UBE2D2: variants seen among roughly 807,000 people sequenced by gnomAD.
The protein encoded by UBE2D2 is ubiquitin-conjugating enzyme E2 D2.
In UBE2D2, 2 loss-of-function variants were observed where a neutral mutation model predicts 24.2. The observed-to-expected ratio is 0.08, with a 90% CI of 0.03 to 0.26. The LOEUF (loss-of-function observed/expected upper bound fraction) is 0.26. Among genes scored for constraint, UBE2D2 ranks in the 10% least tolerant of loss-of-function variants. UBE2D2 has a pLI of 1.00. For synonymous variants in UBE2D2, 58 were observed against 56.5 expected (o/e 1.03, Z -0.12); for missense variants, 44 against 177.6 (o/e 0.25, Z 4.28).
chr5:139,567,897 A>G (rs902978779), intron 1 of UBE2D2, among the ~76,000 whole-genome samples: 1 of 152,182 alleles, frequency 6.6e-6, no homozygotes, highest in Non-Finnish European at 1.5e-5. Flanking sequence ...ATCCCGTAGA[A>G]GTTTATGTAT....
chr5:139,600,464 A>G lies in UBE2D2; in HGVS notation c.88+29A>G, dbSNP rs376987511. 17 of 1,608,708 alleles carry G rather than the reference A, an allele frequency of 1.1e-5. No individual in the cohort carries two copies. In the African/African-American group the frequency reaches 2.0e-4, roughly 19 times the overall value. ...AGTATTTAAAAGGAATAATGGAGTA[A>G]TAGCATAACAGTGGTTATTTTGTGT... On this transcript the variant is annotated intron_variant, in intron 2 of 6. Coordinates refer to ENST00000398733, the MANE Select transcript of UBE2D2 (RefSeq NM_003339.3).
rs915504574 is a variant in UBE2D2, at chr5:139,627,766, C to G, written c.*965C>G. 3.3e-5 allele frequency: 5 copies of G among 152,594 alleles called. No individual in the cohort carries two copies. Among genetic ancestry groups the G allele is most frequent in the Admixed American group, 3.3e-4 (5 of 15,264 alleles). 9.5% of individuals were successfully genotyped at this position (152,594 alleles called of 1,614,324 possible). On this transcript the variant is annotated 3_prime_UTR_variant, in exon 7 of 7. Coordinates refer to ENST00000398733, the MANE Select transcript of UBE2D2 (RefSeq NM_003339.3). Reference sequence around the variant, plus strand: ...ATTAGTGGTGGATTTTCTCCCACTTCTGAAATGTTCATTTATACTGGTTGC... The same window carrying G: ...ATTAGTGGTGGATTTTCTCCCACTTGTGAAATGTTCATTTATACTGGTTGC...
intron 1 of UBE2D2, among the ~76,000 whole-genome samples, chr5:139,541,599 CAAAAAAAAA>C (rs892398676): frequency 1.0e-4 from 6 of 58,458 alleles, no homozygotes; most frequent in African/African-American, 4.2e-4. Flanking sequence ...GACTCCATTT[CAAAAAAAAA>C]AAAAAAAAAA....
At chr5:139,575,161 C>T (rs945812029) in intron 1 of UBE2D2, among the ~76,000 whole-genome samples, 2 of 152,154 alleles carry the variant, frequency 1.3e-5, no homozygotes, top group Non-Finnish European at 2.9e-5. Flanking sequence ...GACTAAATAA[C>T]TTCTGAAGTA....
Position 139,572,776 on chromosome 5 carries a change from A to G in UBE2D2, c.24+10961A>G, listed in dbSNP as rs149061360. 2.1e-3 allele frequency among the ~76,000 whole-genome samples: 323 copies of G among 151,622 alleles called. 2 individuals carry two copies. The highest frequency in any genetic ancestry group is 7.4e-3 in the African/African-American group (305 of 41,364). On this transcript the variant is annotated intron_variant, in intron 1 of 6. Transcript: ENST00000398733. ...TTCTCCTGCCTCAGCCTCCCAAGAA[A>G]AGAAGCTGGGATTACAGGCATGCAC...
intron 1 of UBE2D2, among the ~76,000 whole-genome samples, chr5:139,533,377 G>A (rs938293566): frequency 3.9e-5 from 6 of 152,074 alleles, no homozygotes; most frequent in South Asian, 2.1e-4. Flanking sequence ...GGGGCCGGGC[G>A]TGGTGGCTCA....
chr5:139,603,343 G>T (rs1754120831), intron 2 of UBE2D2, among the ~76,000 whole-genome samples: 1 of 152,116 alleles, frequency 6.6e-6, no homozygotes, highest in Non-Finnish European at 1.5e-5. Flanking sequence ...TCCCTTTGGA[G>T]AGTTAAATAA....
chr5:139,582,154 A>T (rs1019093619), intron 1 of UBE2D2, among the ~76,000 whole-genome samples: 9 of 151,856 alleles, frequency 5.9e-5, no homozygotes, highest in Admixed American at 1.3e-4. Context: ...CCGCCCAGCT[A>T]ATTTTGTAGA....
intron 1 of UBE2D2, among the ~76,000 whole-genome samples, chr5:139,597,580 G>A (rs1010296986): frequency 3.9e-5 from 6 of 152,222 alleles, no homozygotes; most frequent in African/African-American, 1.4e-4. Flanking sequence ...AGGGGCAAAA[G>A]ATTAAAGCGA....
rs185261844 is a variant in UBE2D2, at chr5:139,606,313, C to T, written c.88+5878C>T. Among the ~76,000 whole-genome samples the T allele has an allele frequency of 2.6e-5, 4 of 152,180 alleles. No individual in the cohort carries two copies. In the East Asian group the frequency reaches 7.7e-4, roughly 29 times the overall value. ...AGTAGCTGGGATTACAGGCATGCAC[C>T]ACCACGACCGACTAATTTTTTGTAT... On this transcript the variant is annotated intron_variant, in intron 2 of 6. Transcript: ENST00000398733.
intron 1 of UBE2D2, chr5:139,562,092 T>C (rs1753113340): frequency 1.1e-6 from 1 of 940,852 alleles, no homozygotes; most frequent in East Asian, 2.8e-5. Context: ...TTCTCTCCAG[T>C]CTGGGACTGC....
At chr5:139,619,402 A>C (rs1272603613) in intron 5 of UBE2D2, among the ~76,000 whole-genome samples, 3 of 151,878 alleles carry the variant, frequency 2.0e-5, no homozygotes, top group Non-Finnish European at 4.4e-5. Flanking sequence ...TCTCAAAAAA[A>C]AAAAAAAAGT....
chr5:139,549,056 G>A (rs1364251120), intron 1 of UBE2D2, among the ~76,000 whole-genome samples: 1 of 152,014 alleles, frequency 6.6e-6, no homozygotes, highest in African/African-American at 2.4e-5. Flanking sequence ...TGCCATGTTG[G>A]TCAGGCAGGT....
intron 1 of UBE2D2, chr5:139,526,703 T>C (rs1421222391): frequency 2.0e-5 from 3 of 151,348 alleles, no homozygotes; most frequent in African/African-American, 7.3e-5. Flanking sequence ...ACTTTTGTTC[T>C]GGTTTTGACT....
intron 1 of UBE2D2, among the ~76,000 whole-genome samples, chr5:139,556,012 G>A (rs1170385081): frequency 5.4e-5 from 8 of 149,488 alleles, no homozygotes; most frequent in Non-Finnish European, 7.4e-5. Flanking sequence ...TGAGGTGGGC[G>A]GATCACCTGA....
At chr5:139,623,135 C>T (rs1041980882) in intron 5 of UBE2D2, among the ~76,000 whole-genome samples, 9 of 151,128 alleles carry the variant, frequency 6.0e-5, no homozygotes, top group South Asian at 2.1e-4. Context: ...GTCAGGAGTT[C>T]GAGACCAGCC....
At chr5:139,603,441 G>A (rs1401171646) in intron 2 of UBE2D2, among the ~76,000 whole-genome samples, 1 of 151,684 alleles carries the variant, frequency 6.6e-6, no homozygotes, top group Non-Finnish European at 1.5e-5. Context: ...TGGCCAACAT[G>A]GTGAAACCCT....
chr5:139,612,360 T>TTTA (rs1754340230), intron 2 of UBE2D2: 5 of 153,208 alleles, frequency 3.3e-5, no homozygotes, highest in Admixed American at 2.0e-4. Context: ...TCCTGGGTGC[T>TTTA]TTACCACTGG....
chr5:139,607,725 G>T (rs1039352150), intron 2 of UBE2D2, among the ~76,000 whole-genome samples: 1 of 152,140 alleles, frequency 6.6e-6, no homozygotes. Context: ...AAGAATGTTC[G>T]GCATGGTACA....
Sources: allele counts gnomAD v4.1 joint callset (sites outside exome capture counted in the v4.1 genomes callset), GRCh38; gene constraint gnomAD v4.1.1; transcripts MANE v1.5; gene names NCBI Gene and HGNC (gene_info 2026-07-23, HGNC 2026-07-21).